ROBO2: variants seen among roughly 807,000 people sequenced by gnomAD.
ROBO2 encodes the protein roundabout homolog 2.
ROBO2 carries 53 observed loss-of-function variants against 160.8 expected under a neutral mutation model. That is an observed-to-expected ratio of 0.33 (90% CI 0.26 to 0.41). The LOEUF (loss-of-function observed/expected upper bound fraction) is 0.41, where lower values mean the gene tolerates loss of function less well. Among genes scored for constraint, ROBO2 ranks in the 10% least tolerant of loss-of-function variants. ROBO2 has a pLI of 1.00. For missense variants in ROBO2, 1,577 were observed against 1,722.4 expected (o/e 0.92, Z 1.49); for synonymous variants, 664 against 611.7 (o/e 1.09, Z -1.26).
chr3:76,358,771 T>A (rs944341850), intron 2 of ROBO2, among the ~76,000 whole-genome samples: 3 of 151,962 alleles, frequency 2.0e-5, no homozygotes, highest in Non-Finnish European at 4.4e-5. Flanking sequence ...TTAAATTTTT[T>A]TTATTTTATT....
intron 2 of ROBO2, among the ~76,000 whole-genome samples, chr3:77,301,506 G>A (rs1346410801): frequency 6.6e-6 from 1 of 152,128 alleles, no homozygotes; most frequent in Non-Finnish European, 1.5e-5. Context: ...ATATACAGCA[G>A]TCTATATATT....
intron 2 of ROBO2, among the ~76,000 whole-genome samples, chr3:76,922,118 T>G (rs1048894361): frequency 6.6e-6 from 1 of 152,154 alleles, no homozygotes; most frequent in African/African-American, 2.4e-5. Flanking sequence ...GAGACCATCC[T>G]GGCTAACATG....
chr3:76,772,622 G>T (rs1361718076), intron 2 of ROBO2, among the ~76,000 whole-genome samples: 2 of 149,458 alleles, frequency 1.3e-5, no homozygotes, highest in African/African-American at 4.9e-5. Context: ...TGTTATTACT[G>T]GATCTATTGA....
chr3:75,953,092 T>C (rs1265493647), intron 2 of ROBO2, among the ~76,000 whole-genome samples: 1 of 152,076 alleles, frequency 6.6e-6, no homozygotes, highest in East Asian at 1.9e-4. Context: ...AGAAGGTTTT[T>C]GTGTGCATGT....
intron 16 of ROBO2, among the ~76,000 whole-genome samples, chr3:77,585,032 A>G (rs184392235): frequency 1.3e-4 from 19 of 150,624 alleles, no homozygotes; most frequent in Non-Finnish European, 2.2e-4. Context: ...AAATATCTAT[A>G]TCTGTATATC....
chr3:76,642,389 G>T (rs1403515220), intron 2 of ROBO2, among the ~76,000 whole-genome samples: 1 of 114,794 alleles, frequency 8.7e-6, no homozygotes, highest in African/African-American at 3.4e-5. Flanking sequence ...GACTCGCTCT[G>T]TCGCCCAGGC....
At chr3:76,575,009 T>C (rs966048145) in intron 2 of ROBO2, among the ~76,000 whole-genome samples, 1 of 152,194 alleles carries the variant, frequency 6.6e-6, no homozygotes, top group African/African-American at 2.4e-5. Flanking sequence ...CATTTTTCTA[T>C]TTCTTGCTCA....
chr3:77,063,010 G>C (rs2066477115), intron 1 of ROBO2, among the ~76,000 whole-genome samples: 1 of 152,116 alleles, frequency 6.6e-6, no homozygotes, highest in Non-Finnish European at 1.5e-5. Context: ...ATACATTAGA[G>C]GAATATTATA....
chr3:76,556,686 A>G (rs566704180), intron 2 of ROBO2, among the ~76,000 whole-genome samples: 6 of 152,278 alleles, frequency 3.9e-5, no homozygotes, highest in Admixed American at 1.3e-4. Context: ...AGCCTTAGTT[A>G]TCAAAAGAAA....
At chr3:76,040,591 C>T (rs1004203920) in intron 2 of ROBO2, among the ~76,000 whole-genome samples, 6 of 151,924 alleles carry the variant, frequency 3.9e-5, no homozygotes, top group African/African-American at 4.8e-5. Flanking sequence ...ATGGTGAATC[C>T]AAAAGCTTTG....
chr3:76,223,264 A>G (rs1045558627), intron 2 of ROBO2, among the ~76,000 whole-genome samples: 1 of 151,942 alleles, frequency 6.6e-6, no homozygotes, highest in Non-Finnish European at 1.5e-5. Flanking sequence ...CCTGAAGAGA[A>G]TCAGCATTAT....
chr3:77,580,076 G>A (rs2093874732), exon 16 of ROBO2: 1 of 1,613,716 alleles, frequency 6.2e-7, no homozygotes, highest in Admixed American at 1.7e-5. Flanking sequence ...TAGTACCAGT[G>A]CAGGGGTTGG....
chr3:75,991,432 A>G (rs1036522276), intron 2 of ROBO2, among the ~76,000 whole-genome samples: 6 of 152,172 alleles, frequency 3.9e-5, no homozygotes, highest in Middle Eastern at 6.8e-3. Context: ...GATGGTTATA[A>G]ATCATGAGTT....
At chr3:77,571,856 T>A (rs545587490) in intron 13 of ROBO2, among the ~76,000 whole-genome samples, 4 of 151,748 alleles carry the variant, frequency 2.6e-5, no homozygotes, top group Admixed American at 1.3e-4. Flanking sequence ...AAAGTAAATG[T>A]TCAGTGTTTT....
chr3:77,323,510 A>T (rs1409071315), intron 2 of ROBO2, among the ~76,000 whole-genome samples: 1 of 152,196 alleles, frequency 6.6e-6, no homozygotes, highest in Non-Finnish European at 1.5e-5. Flanking sequence ...TCTGTAGAAC[A>T]TGGGCTATTT....
intron 2 of ROBO2, among the ~76,000 whole-genome samples, chr3:76,390,846 C>T (rs1367463625): frequency 6.6e-6 from 1 of 152,104 alleles, no homozygotes; most frequent in Non-Finnish European, 1.5e-5. Context: ...AGAATTAAAA[C>T]TTCTAAGGAC....
chr3:77,608,935 C>T (rs923863386), intron 21 of ROBO2, among the ~76,000 whole-genome samples: 6 of 151,596 alleles, frequency 4.0e-5, no homozygotes, highest in Non-Finnish European at 7.4e-5. Flanking sequence ...CTTCTTCATC[C>T]TCTTTTCTTT....
intron 5 of ROBO2, among the ~76,000 whole-genome samples, chr3:77,507,075 T>C (rs928613092): frequency 2.0e-5 from 3 of 152,116 alleles, no homozygotes; most frequent in Non-Finnish European, 4.4e-5. Context: ...TTGGCGAAAC[T>C]AGTAAAGAAT....
intron 2 of ROBO2, among the ~76,000 whole-genome samples, chr3:77,294,056 A>G (rs2061679714): frequency 7.0e-6 from 1 of 142,698 alleles, no homozygotes. Flanking sequence ...TTAAATGGGA[A>G]GTTGAGGCTA....
Sources: gnomAD v4.1 joint callset for allele counts (sites outside exome capture counted in the v4.1 genomes callset) on GRCh38, gnomAD v4.1.1 for gene constraint, MANE v1.5 for transcripts, NCBI Gene and HGNC (gene_info 2026-07-23, HGNC 2026-07-21) for gene names.